ORC5: variants seen among roughly 807,000 people sequenced by gnomAD.
ORC5 encodes protein phosphatase 1, regulatory subunit 117.
Under a neutral mutation model 58.8 loss-of-function variants are expected in ORC5, and 39 were observed. The observed-to-expected ratio is 0.66, with a 90% CI of 0.51 to 0.87. The LOEUF is 0.87. Ranked by LOEUF, ORC5 falls within the 40% of genes least tolerant of loss-of-function variation. The probability of loss-of-function intolerance (pLI) is 0.00; values close to 1 mark genes in which losing one functional copy is unlikely to be tolerated. For missense variants in ORC5, 493 were observed against 506.3 expected (o/e 0.97, Z 0.25); for synonymous variants, 218 against 177.6 (o/e 1.23, Z -1.81).
intron 3 of ORC5, among the ~76,000 whole-genome samples, chr7:104,198,742 A>C (rs1236853138): frequency 6.6e-6 from 1 of 152,264 alleles, no homozygotes; most frequent in Non-Finnish European, 1.5e-5. Context: ...GTGCATAAGT[A>C]ACAAGGAGCC....
At chr7:104,141,026 A>C (rs1798665505) in intron 12 of ORC5, among the ~76,000 whole-genome samples, 1 of 152,212 alleles carries the variant, frequency 6.6e-6, no homozygotes, top group Admixed American at 6.5e-5. Flanking sequence ...AACTCACCTG[A>C]CTAGGAATTA....
Position 104,133,032 on chromosome 7 carries a change from C to T in ORC5, c.1262+3749G>A, listed in dbSNP as rs903423643. Among the ~76,000 whole-genome samples the T allele has an allele frequency of 2.0e-5, 3 of 151,918 alleles. No individual in the cohort carries two copies. Among genetic ancestry groups the T allele is most frequent in the Non-Finnish European group, 4.4e-5 (3 of 67,982 alleles). On this transcript the variant is annotated intron_variant, in intron 13 of 13. Transcript: ENST00000297431. This position sits in a 1 kb window ranked among gnomAD's most constrained non-coding sequence, Gnocchi z 4.7. ...AAAAAAGTGGTTAAAGTGCAGATAC[C>T]GAGGAAAGAAGGTGTATGTGCTAGA...
At chr7:104,196,423 A>G (rs1374955130) in intron 4 of ORC5, among the ~76,000 whole-genome samples, 4 of 152,236 alleles carry the variant, frequency 2.6e-5, no homozygotes, top group Non-Finnish European at 5.9e-5. Flanking sequence ...ATAAAATGTC[A>G]AGAGTTAATG....
intron 13 of ORC5, among the ~76,000 whole-genome samples, chr7:104,130,326 G>A (rs194842): frequency 0.32 from 49,029 of 151,832 alleles, 8,692 homozygotes; most frequent in East Asian, 0.52. Context: ...TTCCACTGTA[G>A]TCTCTATATC....
At chr7:104,167,347 T>A (rs1799125145) in intron 9 of ORC5, among the ~76,000 whole-genome samples, 1 of 152,212 alleles carries the variant, frequency 6.6e-6, no homozygotes, top group Admixed American at 6.5e-5. Context: ...TACTTGTATA[T>A]GCCAGTTGAA....
intron 12 of ORC5, among the ~76,000 whole-genome samples, chr7:104,158,067 T>A (rs1292309027): frequency 1.3e-5 from 2 of 152,266 alleles, no homozygotes; most frequent in East Asian, 1.9e-4. Context: ...GTATCACTTA[T>A]GTAAATGAGA....
intron 13 of ORC5, among the ~76,000 whole-genome samples, chr7:104,135,329 G>A (rs1315577782): frequency 2.0e-5 from 3 of 152,046 alleles, no homozygotes; most frequent in Non-Finnish European, 4.4e-5. Flanking sequence ...ATAAGTTTCT[G>A]CTCAATTTTC....
intron 2 of ORC5, among the ~76,000 whole-genome samples, chr7:104,203,920 A>G (rs1214507548): frequency 1.3e-5 from 2 of 152,204 alleles, no homozygotes; most frequent in Admixed American, 1.3e-4. Flanking sequence ...AAGTTTATTG[A>G]TGTGATTTAC....
rs1052000054 is a variant in ORC5, at chr7:104,173,851, T to C, written c.825-5326A>G. 4.9e-4 allele frequency among the ~76,000 whole-genome samples: 71 copies of C among 144,746 alleles called. 1 individual carries two copies. Among genetic ancestry groups the C allele is most frequent in the African/African-American group, 1.7e-3 (70 of 40,112 alleles). The allele number at this position is 144,746 out of a possible 152,430, so 95.0% of individuals were successfully genotyped here. On this transcript the variant is annotated intron_variant, in intron 8 of 13. Coordinates refer to ENST00000297431, the MANE Select transcript of ORC5 (RefSeq NM_002553.4). Reference sequence around the variant, plus strand: ...CCTGGGTTTAAAATTTTTTCTTTTTTTTTTTTTTTTTGAGACGGAGTCTCG... The same window carrying C: ...CCTGGGTTTAAAATTTTTTCTTTTTCTTTTTTTTTTTGAGACGGAGTCTCG...
At chr7:104,193,875 A>G (rs1229472967) in intron 5 of ORC5, among the ~76,000 whole-genome samples, 1 of 151,754 alleles carries the variant, frequency 6.6e-6, no homozygotes, top group Non-Finnish European at 1.5e-5. Context: ...TCAAACTTTC[A>G]TCTATGCTGC....
At position 104,126,908 on chromosome 7, in the gene ORC5, A is replaced by C; in HGVS notation, c.1263-15T>G. 4.4e-6 allele frequency: 7 copies of C among 1,577,850 alleles called. No homozygotes were observed. Among genetic ancestry groups the C allele is most frequent in the Non-Finnish European group, 6.1e-6 (7 of 1,148,432 alleles). On this transcript the variant is annotated splice_polypyrimidine_tract_variant and intron_variant, in intron 13 of 13. Transcript: ENST00000297431. ...AGTTCACCGTCCTAAAAACAAAAACAGATAATATGTTAGCATTCTCACCCC... is the reference window on the plus strand; with the variant it reads ...AGTTCACCGTCCTAAAAACAAAAACCGATAATATGTTAGCATTCTCACCCC...
chr7:104,174,063 C>T (rs961090339), intron 8 of ORC5, among the ~76,000 whole-genome samples: 1 of 151,768 alleles, frequency 6.6e-6, no homozygotes, highest in African/African-American at 2.4e-5. Context: ...CCGGGATGGT[C>T]TCGATCTCCT....
intron 8 of ORC5, among the ~76,000 whole-genome samples, chr7:104,168,784 CA>C (rs969837248): frequency 6.6e-6 from 1 of 152,148 alleles, no homozygotes; most frequent in South Asian, 2.1e-4. Context: ...TTGTAGCTAT[CA>C]AAAAACTTCA....
rs547537559 is a variant in ORC5 at position 104,205,477 on chromosome 7, T to C, written c.73-1243A>G. 3.3e-5 allele frequency among the ~76,000 whole-genome samples: 5 copies of C among 152,288 alleles called. No individual in the cohort carries two copies. In the South Asian group the frequency reaches 1.0e-3, roughly 32 times the overall value. On this transcript the variant is annotated intron_variant, in intron 1 of 13. Transcript: ENST00000297431. ...AAAGTTAAGTCTCTATTAATTATCA[T>C]CGATTACAGCAACAGTCACAAACAT... is the stretch of plus-strand genomic sequence containing the variant.
chr7:104,148,886 T>C (rs1373834628), intron 12 of ORC5, among the ~76,000 whole-genome samples: 1 of 152,048 alleles, frequency 6.6e-6, no homozygotes, highest in Non-Finnish European at 1.5e-5. Context: ...ATACAAAAAT[T>C]AGCTGGGTGT....
At chr7:104,172,157 C>G (rs1186927940) in intron 8 of ORC5, among the ~76,000 whole-genome samples, 2 of 152,212 alleles carry the variant, frequency 1.3e-5, no homozygotes, top group Admixed American at 1.3e-4. Flanking sequence ...CAATCTCTAA[C>G]TCCTGTTAAT....
rs1562831390 is a variant in ORC5, at chr7:104,201,780, ATCC to A, written c.166-825_166-823del. The stretch of plus-strand genomic sequence containing the variant: ...ATTTTAAGAGTTAGAAACCATAGCA[ATCC>A]TCCTACGAGGACTGTAAGCACTAGC... On this transcript the variant is annotated intron_variant, in intron 2 of 13. Transcript: ENST00000297431. Among the ~76,000 whole-genome samples the A allele has an allele frequency of 4.6e-5, 7 of 152,134 alleles. No homozygotes were observed. The South Asian group carries it at 1.5e-3, about 32-fold the overall frequency.
At chr7:104,148,563 A>T (rs1349443063) in intron 12 of ORC5, among the ~76,000 whole-genome samples, 1 of 152,168 alleles carries the variant, frequency 6.6e-6, no homozygotes, top group Admixed American at 6.5e-5. Flanking sequence ...ATATAGAATA[A>T]CCTTGAGAAG....
chr7:104,164,060 T>A (rs931400813), intron 11 of ORC5, among the ~76,000 whole-genome samples: 2 of 152,238 alleles, frequency 1.3e-5, no homozygotes, highest in African/African-American at 4.8e-5. Flanking sequence ...CCTTATTGTA[T>A]CATTTATCCA....
Sources: allele counts gnomAD v4.1 joint callset (sites outside exome capture counted in the v4.1 genomes callset), GRCh38; gene constraint gnomAD v4.1.1; non-coding constraint Gnocchi (gnomAD v3.1); transcripts MANE v1.5; gene names NCBI Gene and HGNC (gene_info 2026-07-23, HGNC 2026-07-21).